Variants in UBE2V2 observed in about 807,000 individuals in gnomAD.
UBE2V2 encodes the protein ubiquitin conjugating enzyme E2 V2.
Under a neutral mutation model 17.2 loss-of-function variants are expected in UBE2V2, and 9 were observed. The ratio of observed to expected loss-of-function variants is 0.52; its 90% CI spans 0.32 to 0.91. UBE2V2 has a LOEUF of 0.91. UBE2V2 is among the 40% of genes least tolerant of loss of function. UBE2V2 has a pLI of 0.04. For missense variants in UBE2V2, 133 were observed against 182.6 expected, an observed-to-expected ratio of 0.73 and a Z score of 1.56; for synonymous variants, 61 against 57.5, an observed-to-expected ratio of 1.06 and a Z score of -0.28.
chr8:48,006,440 G>T (rs987086284), upstream of UBE2V2, among the ~76,000 whole-genome samples: 2 of 152,042 alleles, frequency 1.3e-5, no homozygotes, highest in African/African-American at 4.8e-5. Flanking sequence ...TTTGAAGTCA[G>T]GTAGGTAGTG....
At chr8:48,057,555 G>A (rs916954153) in intron 3 of UBE2V2, among the ~76,000 whole-genome samples, 2 of 151,960 alleles carry the variant, frequency 1.3e-5, no homozygotes, top group African/African-American at 2.4e-5. Flanking sequence ...TGCCCACCTC[G>A]CCCTCCCAAA....
chr8:48,048,332 T>C (rs1237977183), intron 2 of UBE2V2, among the ~76,000 whole-genome samples: 1 of 152,258 alleles, frequency 6.6e-6, no homozygotes, highest in East Asian at 1.9e-4. Flanking sequence ...ACAATGTGTT[T>C]ATCACTTCTT....
At chr8:48,027,107 CCCACGTAGCTTGGATG>C (rs1211113102) in intron 1 of UBE2V2, among the ~76,000 whole-genome samples, 4 of 152,142 alleles carry the variant, frequency 2.6e-5, no homozygotes, top group Admixed American at 1.3e-4. Flanking sequence ...GCCTCAGCCT[CCCACGTAGCTTGGATG>C]CCACGTAGCT....
intron 1 of UBE2V2, chr8:48,035,185 A>C: frequency 2.2e-6 from 2 of 914,568 alleles, no homozygotes; most frequent in Non-Finnish European, 2.6e-6. Flanking sequence ...GCACAATCTC[A>C]GCTCACTGCT....
At chr8:48,035,359 G>T (rs1214427513) in intron 1 of UBE2V2, among the ~76,000 whole-genome samples, 1 of 151,874 alleles carries the variant, frequency 6.6e-6, no homozygotes, top group Non-Finnish European at 1.5e-5. Context: ...AACCTCAGGT[G>T]ATATACCCAC....
intron 1 of UBE2V2, among the ~76,000 whole-genome samples, chr8:48,016,933 C>T (rs944511513): frequency 6.7e-6 from 1 of 149,828 alleles, no homozygotes; most frequent in Admixed American, 6.7e-5. Context: ...TTACAGGCAC[C>T]CGCCACCATG....
chr8:48,054,895 CTCTT>C (rs1410269646), intron 3 of UBE2V2, among the ~76,000 whole-genome samples: 11 of 151,244 alleles, frequency 7.3e-5, no homozygotes, highest in Admixed American at 4.6e-4. Flanking sequence ...TGCGTCCTCT[CTCTT>C]CATCTTTTTT....
upstream of UBE2V2, among the ~76,000 whole-genome samples, chr8:48,005,822 G>A (rs889638355): frequency 6.6e-6 from 1 of 152,166 alleles, no homozygotes; most frequent in African/African-American, 2.4e-5. Context: ...CTTCATTTGA[G>A]AAGTGTCTGT....
At chr8:47,997,768 G>A in the UBE2V2 span, among the ~76,000 whole-genome samples, 11 of 151,860 alleles carry the variant, frequency 7.2e-5, no homozygotes, top group Admixed American at 3.9e-4. Flanking sequence ...GGGTGGAGAC[G>A]GGGAGGACTC....
chr8:48,031,003 G>A (rs971745047), intron 1 of UBE2V2, among the ~76,000 whole-genome samples: 2 of 152,040 alleles, frequency 1.3e-5, no homozygotes, highest in African/African-American at 4.8e-5. Context: ...TTGTGGCTCT[G>A]GGCCACAGAG....
At chr8:48,034,349 A>T (rs2091405789) in intron 1 of UBE2V2, among the ~76,000 whole-genome samples, 1 of 151,368 alleles carries the variant, frequency 6.6e-6, no homozygotes. Flanking sequence ...CTGGTCTCGA[A>T]CTCCTGACCT....
chr8:48,038,914 G>A (rs1296677888), intron 1 of UBE2V2, among the ~76,000 whole-genome samples: 2 of 150,806 alleles, frequency 1.3e-5, no homozygotes, highest in Non-Finnish European at 3.0e-5. Flanking sequence ...ACCACACCTG[G>A]CCCAATAATC....
At chr8:48,025,525 G>T (rs1356139624) in intron 1 of UBE2V2, among the ~76,000 whole-genome samples, 1 of 150,984 alleles carries the variant, frequency 6.6e-6, no homozygotes, top group Admixed American at 6.6e-5. Context: ...TAATCTGCCC[G>T]CCTTGGCCTC....
At chr8:48,038,877 A>G (rs1284174096) in intron 1 of UBE2V2, among the ~76,000 whole-genome samples, 2 of 151,480 alleles carry the variant, frequency 1.3e-5, no homozygotes, top group Non-Finnish European at 2.9e-5. Flanking sequence ...TCAGTCTCCC[A>G]AAGTGTTGGG....
At chr8:48,031,740 C>T (rs377038161) in intron 1 of UBE2V2, among the ~76,000 whole-genome samples, 5 of 152,060 alleles carry the variant, frequency 3.3e-5, no homozygotes, top group African/African-American at 1.2e-4. Context: ...ACTGCAACCT[C>T]CGCCTCCCAA....
chr8:48,020,224 AT>A (rs1210330669), intron 1 of UBE2V2, among the ~76,000 whole-genome samples: 1 of 151,932 alleles, frequency 6.6e-6, no homozygotes, highest in Non-Finnish European at 1.5e-5. Flanking sequence ...TTTTGTAGAG[AT>A]GGGGTCTCAA....
At chr8:48,055,828 G>GC (rs1252536452) in intron 3 of UBE2V2, among the ~76,000 whole-genome samples, 5 of 150,194 alleles carry the variant, frequency 3.3e-5, no homozygotes, top group Non-Finnish European at 7.4e-5. Context: ...GCAATGGCTT[G>GC]GCTCACTGCA....
chr8:48,016,192 C>T (rs2091268302), intron 1 of UBE2V2, among the ~76,000 whole-genome samples: 1 of 152,094 alleles, frequency 6.6e-6, no homozygotes, highest in Non-Finnish European at 1.5e-5. Context: ...CCACCGCGCT[C>T]AGCCTATCCA....
chr8:48,011,854 A>G (rs766448553), intron 1 of UBE2V2, among the ~76,000 whole-genome samples: 1 of 152,122 alleles, frequency 6.6e-6, no homozygotes, highest in Non-Finnish European at 1.5e-5. Context: ...GGGTCTCCGT[A>G]TGTTATCCAG....
Sources: allele counts gnomAD v4.1 joint callset (sites outside exome capture counted in the v4.1 genomes callset), GRCh38; gene constraint gnomAD v4.1.1; transcripts MANE v1.5; gene names NCBI Gene and HGNC (gene_info 2026-07-23, HGNC 2026-07-21).